CATSPER3: variants seen among roughly 807,000 people sequenced by gnomAD.
CATSPER3 encodes the protein cation channel sperm-associated protein 3.
In CATSPER3, 23 loss-of-function variants were observed where a neutral mutation model predicts 36.6. The observed-to-expected ratio is 0.63, with a 90% CI of 0.45 to 0.89. CATSPER3 has a LOEUF of 0.89. CATSPER3 is among the 40% of genes least tolerant of loss of function. CATSPER3 has a pLI of 0.00. For missense variants in CATSPER3, 474 were observed against 503.9 expected (o/e 0.94, Z 0.57); for synonymous variants, 172 against 184.1 (o/e 0.93, Z 0.53).
At chr5:135,002,820 T>G (rs1752038721) in intron 3 of CATSPER3, among the ~76,000 whole-genome samples, 1 of 152,226 alleles carries the variant, frequency 6.6e-6, no homozygotes, top group Admixed American at 6.5e-5. Context: ...ATTTAAGGCC[T>G]TCTCTACACT....
chr5:134,968,926 T>C (rs1751567639), intron 1 of CATSPER3: 1 of 152,214 alleles, frequency 6.6e-6, no homozygotes, highest in African/African-American at 2.4e-5. Flanking sequence ...TTTTTTCTAC[T>C]GCTGATTTTT....
intron 6 of CATSPER3, 69 bp from the exon 7 acceptor site, chr5:135,010,304 C>T (rs1752164858): frequency 7.2e-7 from 1 of 1,385,568 alleles, no homozygotes; most frequent in Middle Eastern, 1.8e-4. Flanking sequence ...CCTGGAGAGT[C>T]TCCATGTCTC....
chr5:135,002,841 G>A (rs1752039069), intron 3 of CATSPER3, among the ~76,000 whole-genome samples: 1 of 152,154 alleles, frequency 6.6e-6, no homozygotes, highest in Non-Finnish European at 1.5e-5. Flanking sequence ...GGTTATTCTA[G>A]TTAGCCATTT....
intron 2 of CATSPER3, among the ~76,000 whole-genome samples, chr5:134,985,956 T>A (rs964847067): frequency 2.0e-5 from 3 of 151,298 alleles, no homozygotes; most frequent in African/African-American, 7.3e-5. Context: ...TTTAAAAAAA[T>A]TTAAAAAGAA....
At position 134,996,510 on chromosome 5, in the gene CATSPER3, C is replaced by T. The variant is rs749881935; in HGVS notation, c.490C>T (p.Arg164Trp). 30 of 1,613,800 alleles carry T rather than the reference C, an allele frequency of 1.9e-5. No individual in the cohort carries two copies. Among genetic ancestry groups the T allele is most frequent in the Admixed American group, 3.3e-5 (2 of 60,014 alleles). The change falls in exon 3 of 8, where the codon CGG becomes TGG. Residue 164 changes from arginine to tryptophan, a missense_variant and splice_region_variant. By Grantham distance (101) the Arg-to-Trp change is moderately radical (BLOSUM62 -3). Coordinates refer to ENST00000282611, the MANE Select transcript of CATSPER3 (RefSeq NM_178019.3). ...GCTTATCGGCTATAGCCAGGGCATCCGGGTGAGTGCACTGGGGGTGTCATG... is the reference window on the plus strand; with the variant it reads ...GCTTATCGGCTATAGCCAGGGCATCTGGGTGAGTGCACTGGGGGTGTCATG... ...LKLIGYSQGI[R>W]TLITAVGQTV... is the part of the protein sequence containing the mutation.
intron 2 of CATSPER3, among the ~76,000 whole-genome samples, chr5:134,976,717 G>C (rs188350247): frequency 6.6e-6 from 1 of 152,344 alleles, no homozygotes; most frequent in Admixed American, 6.5e-5. Flanking sequence ...TGGCCCTATA[G>C]CAGGCTTCTG....
rs749703073 is a variant in CATSPER3 at position 134,996,339 on chromosome 5, A to T, written c.319A>T (p.Ile107Phe). The change falls in exon 3 of 8, where the codon ATC (isoleucine) becomes TTC (phenylalanine). Residue 107 changes from isoleucine (I) to phenylalanine (F), a missense_variant. Physicochemically the swap from Ile to Phe is conservative, Grantham distance 21. Transcript: ENST00000282611. ...ELSMKVYVDP[I>F]NYWKNGYNLL... Reference sequence around the variant, plus strand: ...GTCCATGAAGGTCTATGTGGACCCCATCAACTACTGGAAGAACGGCTACAA... The same window carrying T: ...GTCCATGAAGGTCTATGTGGACCCCTTCAACTACTGGAAGAACGGCTACAA... The T allele has an allele frequency of 6.2e-7, 1 of 1,614,216 alleles. No homozygotes were observed. Among genetic ancestry groups the T allele is most frequent in the South Asian group, 1.1e-5 (1 of 91,082 alleles).
rs546165131 is a variant in CATSPER3, at chr5:134,970,163, T to C, written c.252+71T>C. On this transcript the variant is annotated intron_variant, in intron 2 of 7. Transcript: ENST00000282611. The stretch of plus-strand genomic sequence containing the variant: ...CTTTATTTCTGGAAACATTATAAGA[T>C]TTTTTTTTTTTTCCGAGACAGAATC... 5.2e-5 allele frequency: 24 copies of C among 458,790 alleles called. No homozygotes were observed. The South Asian group carries it at 7.1e-4, about 13-fold the overall frequency. The allele number at this position is 458,790 out of a possible 1,614,324, so 28.4% of individuals were successfully genotyped here.
At chr5:134,996,546 G>A (rs1304293571) in intron 3 of CATSPER3, 34 bp downstream of exon 3, 4 of 1,610,740 alleles carry the variant, frequency 2.5e-6, no homozygotes, top group Non-Finnish European at 3.4e-6. Flanking sequence ...GTGCTGGGAG[G>A]GCAGGCCGTA....
At chr5:134,974,945 A>T (rs1006357141) in intron 2 of CATSPER3, among the ~76,000 whole-genome samples, 1 of 152,116 alleles carries the variant, frequency 6.6e-6, no homozygotes, top group Non-Finnish European at 1.5e-5. Context: ...CTAAGCATGT[A>T]TCCTGGTTTA....
chr5:134,970,530 G>A (rs535533697), intron 2 of CATSPER3, among the ~76,000 whole-genome samples: 12 of 151,788 alleles, frequency 7.9e-5, no homozygotes, highest in Non-Finnish European at 1.3e-4. Context: ...CTAAAATCTG[G>A]GAAGAGGGTG....
At chr5:134,987,957 G>T (rs1018850686) in intron 2 of CATSPER3, among the ~76,000 whole-genome samples, 1 of 152,068 alleles carries the variant, frequency 6.6e-6, no homozygotes, top group Admixed American at 6.6e-5. Flanking sequence ...GTCATCAGGC[G>T]AGAAAAAGAA....
intron 3 of CATSPER3, among the ~76,000 whole-genome samples, chr5:135,003,447 C>T: frequency 6.6e-6 from 1 of 152,188 alleles, no homozygotes; most frequent in East Asian, 1.9e-4. Context: ...ATCTCAAACT[C>T]CGTGCTGGGA....
intron 2 of CATSPER3, among the ~76,000 whole-genome samples, chr5:134,987,938 C>T (rs955699345): frequency 2.4e-4 from 37 of 152,118 alleles, no homozygotes; most frequent in African/African-American, 8.7e-4. Flanking sequence ...ACTGAAAGTT[C>T]TAGCCAGAGT....
At chr5:135,011,002 T>G (rs555287254) in intron 7 of CATSPER3, among the ~76,000 whole-genome samples, 1 of 152,296 alleles carries the variant, frequency 6.6e-6, no homozygotes, top group East Asian at 1.9e-4. Flanking sequence ...GGCCCAGGGC[T>G]TGTGCTCAGT....
intron 2 of CATSPER3, among the ~76,000 whole-genome samples, chr5:134,971,690 A>T (rs568974955): frequency 6.6e-6 from 1 of 152,318 alleles, no homozygotes; most frequent in African/African-American, 2.4e-5. Context: ...TGAAGGGGCT[A>T]GAGGAGCAGA....
chr5:135,010,181 T>C (rs532999776), intron 6 of CATSPER3, among the ~76,000 whole-genome samples, 192 bp from the exon 7 acceptor site: 5 of 152,264 alleles, frequency 3.3e-5, no homozygotes, highest in Admixed American at 2.6e-4. Flanking sequence ...CTGCCTGTCC[T>C]CAATGGTGGC....
At position 135,011,677 on chromosome 5, in the gene CATSPER3, A is replaced by G; in HGVS notation, c.*54A>G. 8.2e-7 allele frequency: 1 copy of G among 1,212,976 alleles called. No individual in the cohort carries two copies. Among genetic ancestry groups the G allele is most frequent in the Non-Finnish European group, 1.2e-6 (1 of 823,944 alleles). 75.1% of individuals were successfully genotyped at this position (1,212,976 alleles called of 1,614,324 possible). A position where few individuals can be genotyped will look rare whatever the true frequency, so the allele number is the denominator to read the frequency against. On this transcript the variant is annotated 3_prime_UTR_variant, in exon 8 of 8. Transcript: ENST00000282611. Reference sequence around the variant, plus strand: ...GCCTTGCAGACCATGACAGGTCCCTATTAAACACAGGCTTTCTGAGTTGTC... The same window carrying G: ...GCCTTGCAGACCATGACAGGTCCCTGTTAAACACAGGCTTTCTGAGTTGTC...
intron 3 of CATSPER3, among the ~76,000 whole-genome samples, chr5:135,007,514 C>G (rs1752103084): frequency 6.6e-6 from 1 of 152,184 alleles, no homozygotes; most frequent in African/African-American, 2.4e-5. Context: ...GAGCCACATT[C>G]CTCTCGGCCT....
Sources: gnomAD v4.1 joint callset for allele counts (sites outside exome capture counted in the v4.1 genomes callset) on GRCh38, gnomAD v4.1.1 for gene constraint, MANE v1.5 for transcripts, NCBI Gene and HGNC (gene_info 2026-07-23, HGNC 2026-07-21) for gene names.